The following CDK14 variants were observed in gnomAD, a reference collection of about 807,000 sequenced individuals.
The protein encoded by CDK14 is cyclin-dependent kinase 14.
In CDK14, 34 loss-of-function variants were observed where a neutral mutation model predicts 60.7. That is an observed-to-expected ratio of 0.56 (90% CI 0.43 to 0.75). CDK14 has a LOEUF of 0.75. Among genes scored for constraint, CDK14 ranks in the 30% least tolerant of loss-of-function variants. The pLI, the probability that CDK14 is intolerant of heterozygous loss-of-function variation, is 0.00. For synonymous variants in CDK14, 197 were observed against 203.7 expected, an observed-to-expected ratio of 0.97 and a Z score of 0.28; for missense variants, 482 against 564.1, an observed-to-expected ratio of 0.85 and a Z score of 1.47.
intron 10 of CDK14, among the ~76,000 whole-genome samples, chr7:90,989,898 G>A (rs574990497): frequency 6.6e-6 from 1 of 152,158 alleles, no homozygotes; most frequent in East Asian, 1.9e-4. Flanking sequence ...GGTGTTTAAA[G>A]AAAAATTGCT....
chr7:90,924,653 T>A lies in CDK14; in HGVS notation c.826+6929T>A, dbSNP rs1793357408. ...AATCTTTACTGGAAGCGAGAAAAACTGACCAGCTACTATGGGAAATGTAAG... is the reference window on the plus strand; with the variant it reads ...AATCTTTACTGGAAGCGAGAAAAACAGACCAGCTACTATGGGAAATGTAAG... On this transcript the variant is annotated intron_variant, in intron 8 of 14. Transcript: ENST00000380050. Among the ~76,000 whole-genome samples the A allele has an allele frequency of 1.3e-5, 2 of 152,234 alleles. 1 individual carries two copies. Among genetic ancestry groups the A allele is most frequent in the African/African-American group, 4.8e-5 (2 of 41,462 alleles).
intron 3 of CDK14, among the ~76,000 whole-genome samples, chr7:90,730,160 C>T (rs556745100): frequency 1.3e-5 from 2 of 152,302 alleles, no homozygotes; most frequent in African/African-American, 2.4e-5. Flanking sequence ...CCAGCTTCAT[C>T]CATGTCCGCG....
intron 2 of CDK14, among the ~76,000 whole-genome samples, chr7:90,617,078 A>C (rs1375295816): frequency 6.6e-6 from 1 of 152,212 alleles, no homozygotes; most frequent in Non-Finnish European, 1.5e-5. Context: ...TGTTCATGGC[A>C]GAACATGTAT....
chr7:91,057,478 C>T (rs1179255877), intron 11 of CDK14, among the ~76,000 whole-genome samples: 3 of 151,896 alleles, frequency 2.0e-5, no homozygotes, highest in African/African-American at 7.3e-5. Flanking sequence ...GAAGTCCTTG[C>T]CCATGCCTAT....
chr7:90,763,150 A>G (rs1804393704), intron 4 of CDK14, among the ~76,000 whole-genome samples: 1 of 152,222 alleles, frequency 6.6e-6, no homozygotes, highest in East Asian at 1.9e-4. Context: ...GAGTGTCAAA[A>G]TACGTGAGGC....
chr7:90,663,842 T>C (rs556908882), intron 2 of CDK14, among the ~76,000 whole-genome samples: 2 of 152,222 alleles, frequency 1.3e-5, no homozygotes, highest in Non-Finnish European at 2.9e-5. Context: ...TTCTAATACA[T>C]TTTCTGTAAC....
At chr7:90,897,132 G>A (rs532748654) in intron 6 of CDK14, among the ~76,000 whole-genome samples, 1 of 151,994 alleles carries the variant, frequency 6.6e-6, no homozygotes, top group Non-Finnish European at 1.5e-5. Context: ...CCTATTGTTA[G>A]GTGTGCAAAT....
chr7:90,606,749 G>C (rs1799426894), intron 2 of CDK14, among the ~76,000 whole-genome samples: 1 of 152,176 alleles, frequency 6.6e-6, no homozygotes, highest in Admixed American at 6.5e-5. Context: ...TTAACTTTCA[G>C]TACGTATCTA....
At chr7:91,196,611 C>T (rs926847451) in intron 14 of CDK14, among the ~76,000 whole-genome samples, 7 of 152,208 alleles carry the variant, frequency 4.6e-5, no homozygotes, top group Non-Finnish European at 2.9e-5. Context: ...CCACACTGCA[C>T]AGGCATGGGT....
intron 14 of CDK14, among the ~76,000 whole-genome samples, chr7:91,151,645 T>G (rs1198499546): frequency 6.6e-6 from 1 of 152,220 alleles, no homozygotes; most frequent in Non-Finnish European, 1.5e-5. Flanking sequence ...ACATCCCTCT[T>G]GGCGGTCCAC....
chr7:90,661,033 A>C (rs1800856317), intron 2 of CDK14, among the ~76,000 whole-genome samples: 1 of 152,206 alleles, frequency 6.6e-6, no homozygotes, highest in African/African-American at 2.4e-5. Flanking sequence ...AATTGCCTTC[A>C]ACCATGACTG....
chr7:91,157,660 G>A (rs558501754), intron 14 of CDK14, among the ~76,000 whole-genome samples: 7 of 152,188 alleles, frequency 4.6e-5, no homozygotes, highest in South Asian at 2.1e-4. Context: ...AGAGAGTGAC[G>A]GCAATCATAC....
chr7:90,872,416 A>C (rs1009250266), intron 6 of CDK14, among the ~76,000 whole-genome samples: 1 of 152,222 alleles, frequency 6.6e-6, no homozygotes, highest in African/African-American at 2.4e-5. Flanking sequence ...ATGTGCAGGC[A>C]GTGTAAGATG....
At chr7:90,633,646 C>T (rs1800057223) in intron 2 of CDK14, among the ~76,000 whole-genome samples, 1 of 152,162 alleles carries the variant, frequency 6.6e-6, no homozygotes, top group Admixed American at 6.5e-5. Flanking sequence ...TAAAATCTAT[C>T]TTTTGTCTCT....
chr7:90,869,815 A>C (rs950656550), intron 6 of CDK14, among the ~76,000 whole-genome samples: 2 of 152,236 alleles, frequency 1.3e-5, no homozygotes, highest in Non-Finnish European at 2.9e-5. Context: ...ATGCCATGGC[A>C]CTGTCCACTA....
chr7:91,055,626 G>T (rs544100147), intron 11 of CDK14, among the ~76,000 whole-genome samples: 4 of 152,092 alleles, frequency 2.6e-5, no homozygotes, highest in African/African-American at 9.7e-5. Context: ...ACCTCATATC[G>T]CTAAAGTTGA....
intron 14 of CDK14, among the ~76,000 whole-genome samples, chr7:91,142,305 T>C (rs1488826415): frequency 3.3e-5 from 5 of 152,206 alleles, no homozygotes; most frequent in African/African-American, 1.2e-4. Context: ...GCTGCCTTCT[T>C]TAGCAAAGGC....
At chr7:90,736,342 A>ATTTTTTT in intron 3 of CDK14, among the ~76,000 whole-genome samples, 3 of 87,082 alleles carry the variant, frequency 3.4e-5, no homozygotes, top group Admixed American at 1.5e-4. Flanking sequence ...GTACTTTATT[A>ATTTTTTT]TGTTTTTGTT....
chr7:90,879,683 T>C (rs1791677887), intron 6 of CDK14, among the ~76,000 whole-genome samples: 1 of 152,080 alleles, frequency 6.6e-6, no homozygotes, highest in Non-Finnish European at 1.5e-5. Context: ...ACATGGCACA[T>C]GTATACCTAC....
Sources: allele counts gnomAD v4.1 joint callset (sites outside exome capture counted in the v4.1 genomes callset), GRCh38; gene constraint gnomAD v4.1.1; transcripts MANE v1.5; gene names NCBI Gene and HGNC (gene_info 2026-07-23, HGNC 2026-07-21).